The following SLC16A10 variants were observed in gnomAD, a reference collection of about 807,000 sequenced individuals.
SLC16A10 encodes solute carrier family 16 member 10.
SLC16A10 carries 27 observed loss-of-function variants against 40.0 expected under a neutral mutation model. The observed-to-expected ratio is 0.67, with a 90% CI of 0.50 to 0.93. The LOEUF is 0.93. Ranked by LOEUF, SLC16A10 falls within the 40% of genes least tolerant of loss-of-function variation. SLC16A10 has a pLI of 0.00. For synonymous variants in SLC16A10, 213 were observed against 249.8 expected, an observed-to-expected ratio of 0.85 and a Z score of 1.39; for missense variants, 529 against 658.2, an observed-to-expected ratio of 0.80 and a Z score of 2.15.
intron 5 of SLC16A10, 63 bp downstream of exon 5, chr6:111,219,105 T>C: frequency 7.1e-7 from 1 of 1,404,316 alleles, no homozygotes; most frequent in Admixed American, 1.9e-5. Flanking sequence ...CAGGTCTTAA[T>C]TAAGTCTCAT....
chr6:111,185,950 T>C (rs1583350778), intron 3 of SLC16A10, among the ~76,000 whole-genome samples: 1 of 151,558 alleles, frequency 6.6e-6, no homozygotes, highest in South Asian at 2.1e-4. Flanking sequence ...TCCAGGCTGG[T>C]ATGCAGGGGT....
At chr6:111,176,850 C>T (rs1471534710) in intron 2 of SLC16A10, among the ~76,000 whole-genome samples, 2 of 152,112 alleles carry the variant, frequency 1.3e-5, no homozygotes, top group East Asian at 3.9e-4. Flanking sequence ...TTAATTGAAT[C>T]ACTGTTGATT....
intron 1 of SLC16A10, among the ~76,000 whole-genome samples, chr6:111,171,661 C>T (rs1342865045): frequency 6.6e-6 from 1 of 151,790 alleles, no homozygotes; most frequent in Non-Finnish European, 1.5e-5. Context: ...ACAAAAAGTA[C>T]AAAAATTAGC....
chr6:111,087,656 T>G lies in SLC16A10; in HGVS notation c.-97T>G. 1 of 695,258 alleles carries G rather than the reference T, an allele frequency of 1.4e-6. No individual in the cohort carries two copies. The highest frequency in any genetic ancestry group is 1.9e-6 in the Non-Finnish European group (1 of 514,348). The allele number at this position is 695,258 out of a possible 1,614,324, so 43.1% of individuals were successfully genotyped here. A position where few individuals can be genotyped will look rare whatever the true frequency, so the allele number is the denominator to read the frequency against. On this transcript the variant is annotated 5_prime_UTR_variant, in exon 1 of 6. Transcript: ENST00000368851. ...GGGCTCCGCCGCCCTCGCCTCGGCCTCGTTAGCCCGCCAGGAGCCCCGCAG... is the reference window on the plus strand; with the variant it reads ...GGGCTCCGCCGCCCTCGCCTCGGCCGCGTTAGCCCGCCAGGAGCCCCGCAG...
chr6:111,219,454 A>G (rs759478822), intron 5 of SLC16A10, among the ~76,000 whole-genome samples: 1 of 152,078 alleles, frequency 6.6e-6, no homozygotes, highest in African/African-American at 2.4e-5. Flanking sequence ...GCTTGAGCCC[A>G]GAGGTCAAGG....
chr6:111,103,586 A>G (rs561064932), intron 1 of SLC16A10, among the ~76,000 whole-genome samples: 2 of 152,262 alleles, frequency 1.3e-5, no homozygotes, highest in South Asian at 2.1e-4. Context: ...GACTTATTCC[A>G]TGCTCTTGAG....
At chr6:111,092,550 G>A (rs1026839035) in intron 1 of SLC16A10, among the ~76,000 whole-genome samples, 5 of 149,816 alleles carry the variant, frequency 3.3e-5, no homozygotes, top group Admixed American at 3.3e-4. Flanking sequence ...TCCTGACCTC[G>A]TGATCCACCT....
At chr6:111,165,644 G>A (rs1320363641) in intron 1 of SLC16A10, among the ~76,000 whole-genome samples, 3 of 152,206 alleles carry the variant, frequency 2.0e-5, no homozygotes, top group Non-Finnish European at 2.9e-5. Flanking sequence ...CAAGCCTTAA[G>A]TAAGGTTGTG....
At chr6:111,147,680 G>C (rs748378157) in intron 1 of SLC16A10, among the ~76,000 whole-genome samples, 5 of 152,190 alleles carry the variant, frequency 3.3e-5, no homozygotes, top group Non-Finnish European at 7.3e-5. Context: ...AGCTTCTGCT[G>C]CTCAAATCCT....
chr6:111,229,457 G>C lies in SLC16A10; in HGVS notation c.*7222G>C, dbSNP rs1053894026. 1 of 152,140 alleles carries C rather than the reference G, an allele frequency of 6.6e-6. No homozygotes were observed. Among genetic ancestry groups the C allele is most frequent in the African/African-American group, 2.4e-5 (1 of 41,414 alleles). 9.4% of individuals were successfully genotyped at this position (152,140 alleles called of 1,614,324 possible). Reference sequence around the variant, plus strand: ...TGTCAATGTTTCTAGCACAAAGTGAGGGATTTAAATATATTCTGTAACTTT... The same window carrying C: ...TGTCAATGTTTCTAGCACAAAGTGACGGATTTAAATATATTCTGTAACTTT... On this transcript the variant is annotated 3_prime_UTR_variant, in exon 6 of 6. Coordinates refer to ENST00000368851, the MANE Select transcript of SLC16A10 (RefSeq NM_018593.5).
At chr6:111,112,748 G>C (rs1157882285) in intron 1 of SLC16A10, among the ~76,000 whole-genome samples, 2 of 152,144 alleles carry the variant, frequency 1.3e-5, no homozygotes, top group African/African-American at 4.8e-5. Flanking sequence ...GCCTTGGAGG[G>C]TATTAGAGCA....
Position 111,190,035 on chromosome 6 carries a change from C to T in SLC16A10, c.942+12370C>T, listed in dbSNP as rs1417191052. On this transcript the variant is annotated intron_variant, in intron 3 of 5. Coordinates refer to ENST00000368851, the MANE Select transcript of SLC16A10 (RefSeq NM_018593.5). ...AGTCTCATCTGAGACAAGGCAAGTCCCCTCTGCCTATGAATCTGTGAAATC... is the reference window on the plus strand; with the variant it reads ...AGTCTCATCTGAGACAAGGCAAGTCTCCTCTGCCTATGAATCTGTGAAATC... 2.6e-5 allele frequency among the ~76,000 whole-genome samples: 4 copies of T among 152,134 alleles called. No individual in the cohort carries two copies. In the East Asian group the frequency reaches 7.7e-4, roughly 29 times the overall value.
intron 4 of SLC16A10, among the ~76,000 whole-genome samples, chr6:111,215,631 G>T (rs1422568721): frequency 2.6e-5 from 4 of 152,156 alleles, no homozygotes; most frequent in African/African-American, 9.7e-5. Flanking sequence ...TGTGATTATA[G>T]ATATGTTTCT....
intron 5 of SLC16A10, among the ~76,000 whole-genome samples, chr6:111,221,187 AACCATGAGT>A (rs1770886533): frequency 2.0e-5 from 3 of 152,196 alleles, no homozygotes; most frequent in Non-Finnish European, 4.4e-5. Context: ...TAACTTTTAA[AACCATGAGT>A]CCTGGAATTT....
At chr6:111,164,705 C>G (rs116212734) in intron 1 of SLC16A10, among the ~76,000 whole-genome samples, 3,739 of 152,194 alleles carry the variant, frequency 0.025, 135 homozygotes, top group African/African-American at 0.085. Context: ...GCAGAGGCAA[C>G]CAAGATCATG....
chr6:111,188,928 A>G (rs569422661), intron 3 of SLC16A10, among the ~76,000 whole-genome samples: 1 of 152,216 alleles, frequency 6.6e-6, no homozygotes, highest in Non-Finnish European at 1.5e-5. Context: ...GGTTTGCCTA[A>G]GGTTGCACAG....
intron 1 of SLC16A10, among the ~76,000 whole-genome samples, chr6:111,145,351 T>C (rs1772057669): frequency 6.6e-6 from 1 of 152,152 alleles, no homozygotes; most frequent in Non-Finnish European, 1.5e-5. Context: ...CAATAAGCCA[T>C]GTTTGCATCA....
At chr6:111,190,609 G>A (rs916598143) in intron 3 of SLC16A10, among the ~76,000 whole-genome samples, 1 of 152,236 alleles carries the variant, frequency 6.6e-6, no homozygotes, top group African/African-American at 2.4e-5. Flanking sequence ...CTAGGTGGAG[G>A]TTCCCAACCT....
intron 3 of SLC16A10, among the ~76,000 whole-genome samples, chr6:111,196,546 T>C (rs1180106435): frequency 6.6e-6 from 1 of 152,148 alleles, no homozygotes; most frequent in Non-Finnish European, 1.5e-5. Context: ...CACTGGCTTA[T>C]GCCTGTAATC....
Sources: gnomAD v4.1 joint callset for allele counts (sites outside exome capture counted in the v4.1 genomes callset) on GRCh38, gnomAD v4.1.1 for gene constraint, MANE v1.5 for transcripts, NCBI Gene and HGNC (gene_info 2026-07-23, HGNC 2026-07-21) for gene names.